The following RIC1 variants were observed in gnomAD, a reference collection of about 807,000 sequenced individuals.
The protein encoded by RIC1 is RIC1 partner of RAB6A GEF complex, also known as guanine nucleotide exchange factor subunit RIC1.
A neutral mutation model predicts 169.0 loss-of-function variants in RIC1; 88 were observed. That is an observed-to-expected ratio of 0.52 (90% CI 0.44 to 0.62). RIC1 has a LOEUF of 0.62. Ranked by LOEUF, RIC1 falls within the 20% of genes least tolerant of loss-of-function variation. The probability of loss-of-function intolerance (pLI) is 0.00; values close to 1 mark genes in which losing one functional copy is unlikely to be tolerated. For synonymous variants in RIC1, 790 were observed against 601.5 expected (o/e 1.31, Z -4.59); for missense variants, 1,877 against 1,725.5 (o/e 1.09, Z -1.56).
chr9:5,769,536 C>A, intron 22 of RIC1: 1 of 1,117,998 alleles, frequency 8.9e-7, no homozygotes, highest in Non-Finnish European at 1.2e-6. Flanking sequence ...AATATAAAAG[C>A]TACCATGCTT....
At chr9:5,701,139 T>C (rs1042789685) in intron 3 of RIC1, among the ~76,000 whole-genome samples, 2 of 152,240 alleles carry the variant, frequency 1.3e-5, no homozygotes, top group East Asian at 3.8e-4. Context: ...CCATTTGTGG[T>C]AAAACTGTGG....
chr9:5,746,179 G>T (rs1825367215), intron 11 of RIC1, 96 bp downstream of exon 11: 3 of 814,458 alleles, frequency 3.7e-6, no homozygotes, highest in South Asian at 3.5e-5. Context: ...TTCTAAAATT[G>T]GCATATTATC....
chr9:5,666,450 T>C (rs1379314059), intron 2 of RIC1, among the ~76,000 whole-genome samples: 1 of 152,214 alleles, frequency 6.6e-6, no homozygotes, highest in African/African-American at 2.4e-5. Context: ...AAAGTGGGTA[T>C]CCTTATCTTG....
chr9:5,764,865 A>C (rs1281258240), intron 19 of RIC1, among the ~76,000 whole-genome samples: 1 of 152,222 alleles, frequency 6.6e-6, no homozygotes, highest in Non-Finnish European at 1.5e-5. Flanking sequence ...TTACAATTAC[A>C]GTTGTCTATT....
chr9:5,651,349 C>T (rs1397826604), intron 1 of RIC1, among the ~76,000 whole-genome samples: 1 of 151,764 alleles, frequency 6.6e-6, no homozygotes. Context: ...TGACTCCTCC[C>T]TGTTTGGGTT....
chr9:5,716,003 C>T (rs1029372070), intron 4 of RIC1, among the ~76,000 whole-genome samples: 13 of 151,960 alleles, frequency 8.6e-5, no homozygotes, highest in Non-Finnish European at 1.8e-4. Flanking sequence ...CGTCACAGCA[C>T]GCTAATTTTT....
intron 2 of RIC1, among the ~76,000 whole-genome samples, chr9:5,671,271 A>ATT (rs1179633145): frequency 6.8e-6 from 1 of 146,772 alleles, no homozygotes; most frequent in African/African-American, 2.6e-5. Context: ...TATTATTATT[A>ATT]TTATTTTTTT....
At chr9:5,772,434 G>T in intron 23 of RIC1, 130 bp from the exon 24 acceptor site, 2 of 670,246 alleles carry the variant, frequency 3.0e-6, no homozygotes, top group Non-Finnish European at 4.8e-6. Flanking sequence ...GGTAATTTTA[G>T]CCATGGATTT....
intron 7 of RIC1, among the ~76,000 whole-genome samples, chr9:5,733,624 CTT>C (rs1824510386): frequency 6.6e-6 from 1 of 151,968 alleles, no homozygotes; most frequent in African/African-American, 2.4e-5. Flanking sequence ...TTAATAAACT[CTT>C]TGTAAAGTAG....
At chr9:5,650,432 A>G (rs190111715) in intron 1 of RIC1, among the ~76,000 whole-genome samples, 146 of 151,984 alleles carry the variant, frequency 9.6e-4, no homozygotes, top group African/African-American at 3.4e-3. Flanking sequence ...CCCCTGGTAG[A>G]GTGCTCAGGT....
At chr9:5,629,788 C>G (rs1293600579) in intron 1 of RIC1, among the ~76,000 whole-genome samples, 2 of 152,238 alleles carry the variant, frequency 1.3e-5, no homozygotes, top group South Asian at 2.1e-4. Flanking sequence ...CCCCGAGGGA[C>G]AAATTTGTTT....
chr9:5,638,459 A>T (rs1248257882), intron 1 of RIC1, among the ~76,000 whole-genome samples: 1 of 152,070 alleles, frequency 6.6e-6, no homozygotes, highest in African/African-American at 2.4e-5. Flanking sequence ...GAGCAGTGAA[A>T]CCACTAGGTC....
chr9:5,651,210 T>C (rs1025214458), intron 1 of RIC1, among the ~76,000 whole-genome samples: 37 of 152,200 alleles, frequency 2.4e-4, no homozygotes, highest in African/African-American at 7.7e-4. Context: ...ACTGGAGATC[T>C]GCTCTGTGCT....
chr9:5,660,249 C>G (rs1422161586), intron 2 of RIC1, among the ~76,000 whole-genome samples: 1 of 152,170 alleles, frequency 6.6e-6, no homozygotes, highest in African/African-American at 2.4e-5. Flanking sequence ...TTTATTCAGT[C>G]TATCATCGGG....
intron 6 of RIC1, among the ~76,000 whole-genome samples, chr9:5,722,337 A>AAGAGAGAGAGAGAG (rs147623001): frequency 8.7e-6 from 1 of 115,374 alleles, no homozygotes; most frequent in Non-Finnish European, 1.8e-5. Flanking sequence ...CAAAAACTAT[A>AAGAGAGAGAGAGAG]AGAGAGAGAG....
chr9:5,656,856 ATAGCT>A, intron 2 of RIC1, among the ~76,000 whole-genome samples, 166 bp downstream of exon 2: 1 of 152,306 alleles, frequency 6.6e-6, no homozygotes, highest in East Asian at 1.9e-4. Context: ...TACTCCTACT[ATAGCT>A]TTTCTTCTGA....
At chr9:5,679,798 T>G (rs1466047798) in intron 2 of RIC1, among the ~76,000 whole-genome samples, 1 of 152,224 alleles carries the variant, frequency 6.6e-6, no homozygotes, top group Non-Finnish European at 1.5e-5. Flanking sequence ...AGGGACAATT[T>G]GACTTCCTCT....
intron 2 of RIC1, among the ~76,000 whole-genome samples, chr9:5,685,149 A>T (rs1305691561): frequency 6.6e-6 from 1 of 151,236 alleles, no homozygotes; most frequent in Non-Finnish European, 1.5e-5. Context: ...ATGGAAGAAC[A>T]TTCCATGCTC....
At chr9:5,729,859 T>TGCA (rs1824254671) in intron 6 of RIC1, among the ~76,000 whole-genome samples, 2 of 149,540 alleles carry the variant, frequency 1.3e-5, no homozygotes, top group East Asian at 4.0e-4. Flanking sequence ...CTTTTTTTTT[T>TGCA]CCTATAAGGT....
Sources: gnomAD v4.1 joint callset for allele counts (sites outside exome capture counted in the v4.1 genomes callset) on GRCh38, gnomAD v4.1.1 for gene constraint, MANE v1.5 for transcripts, NCBI Gene and HGNC (gene_info 2026-07-23, HGNC 2026-07-21) for gene names.